Variants in C4orf50 observed in about 807,000 individuals in gnomAD.
C4orf50 encodes chromosome 4 open reading frame 50.
Under a neutral mutation model 77.2 loss-of-function variants are expected in C4orf50, and 80 were observed. That is an observed-to-expected ratio of 1.04 (90% CI 0.87 to 1.25). The LOEUF (loss-of-function observed/expected upper bound fraction) is 1.25, where lower values mean the gene tolerates loss of function less well. Ranked by LOEUF, C4orf50 falls within the 50% of genes most tolerant of loss-of-function variation. The probability of loss-of-function intolerance (pLI) is 0.00; values close to 1 mark genes in which losing one functional copy is unlikely to be tolerated. For missense variants in C4orf50, 1,257 were observed against 1,152.9 expected (o/e 1.09, Z -1.31); for synonymous variants, 532 against 465.3 (o/e 1.14, Z -1.84).
chr4:5,970,986 C>T lies in C4orf50; in HGVS notation c.4104+2673G>A, dbSNP rs1719875627. Reference sequence around the variant, plus strand: ...TGTCCAGTTGGGACCCTAGCCAGCCCACGCCCCCTACCCAAAGGCAGGGGC... The same window carrying T: ...TGTCCAGTTGGGACCCTAGCCAGCCTACGCCCCCTACCCAAAGGCAGGGGC... On this transcript the variant is annotated intron_variant, in intron 31 of 33. Transcript: ENST00000531445. This position sits in a 1 kb window ranked among gnomAD's most constrained non-coding sequence, Gnocchi z 4.3. Among the ~76,000 whole-genome samples the T allele has an allele frequency of 6.6e-6, 1 of 152,174 alleles. No homozygotes were observed. The highest frequency in any genetic ancestry group is 2.4e-5 in the African/African-American group (1 of 41,448).
chr4:5,921,986 C>T (rs532733911), intron 7 of C4orf50, among the ~76,000 whole-genome samples: 1 of 152,256 alleles, frequency 6.6e-6, no homozygotes, highest in Non-Finnish European at 1.5e-5. Context: ...CCCGAAGGAA[C>T]CTAATAACTA....
chr4:5,980,010 T>C (rs957146147), intron 29 of C4orf50, among the ~76,000 whole-genome samples, 164 bp downstream of exon 7: 1 of 152,120 alleles, frequency 6.6e-6, no homozygotes, highest in African/African-American at 2.4e-5. Context: ...CTGTGGTTTT[T>C]TGTTGTTTTT....
chr4:5,941,304 T>C (rs1184600834), intron 7 of C4orf50, among the ~76,000 whole-genome samples: 1 of 152,178 alleles, frequency 6.6e-6, no homozygotes, highest in Non-Finnish European at 1.5e-5. Context: ...CACAAGGAAA[T>C]TGAGACCCCA....
chr4:5,974,079 C>G (rs1720110552), intron 30 of C4orf50, among the ~76,000 whole-genome samples: 1 of 152,168 alleles, frequency 6.6e-6, no homozygotes, highest in Admixed American at 6.5e-5. Context: ...GGGGTCTAGG[C>G]TCAAGGCAGC....
rs1038821082 is a variant in C4orf50 at position 5,908,516 on chromosome 4, A to C, written c.*2475-10328T>G. Among the ~76,000 whole-genome samples the C allele has an allele frequency of 2.0e-5, 3 of 151,988 alleles. No individual in the cohort carries two copies. The highest frequency in any genetic ancestry group is 2.9e-5 in the Non-Finnish European group (2 of 68,008). ...CTTCAGAGTCCAGTGGAGGAAGCAA[A>C]TGTGTGAAGCAGACAATGGCAGAGA... is the stretch of plus-strand genomic sequence containing the variant. On this transcript the variant is annotated intron_variant, in intron 7 of 7. Coordinates refer to the C4orf50 transcript ENST00000324058. The surrounding 1 kb of genome is among the most constrained non-coding windows in gnomAD (Gnocchi z 5.6).
intron 7 of C4orf50, among the ~76,000 whole-genome samples, chr4:5,924,493 G>T (rs957208559): frequency 7.9e-5 from 12 of 152,168 alleles, no homozygotes; most frequent in African/African-American, 2.4e-4. Flanking sequence ...AGCAGGAAAG[G>T]CCAGACGGTT....
chr4:5,911,280 G>A (rs182133435), intron 7 of C4orf50, among the ~76,000 whole-genome samples: 2 of 152,282 alleles, frequency 1.3e-5, no homozygotes, highest in Admixed American at 1.3e-4. Context: ...CCCACATCGA[G>A]TATCTGTGGT....
intron 7 of C4orf50, among the ~76,000 whole-genome samples, chr4:5,938,366 C>T (rs1718122914): frequency 6.6e-6 from 1 of 152,152 alleles, no homozygotes; most frequent in African/African-American, 2.4e-5. Flanking sequence ...ATCATAGAGT[C>T]TTTGTCACCA....
chr4:5,975,160 A>C (rs1354267492), intron 30 of C4orf50, among the ~76,000 whole-genome samples: 5 of 114,078 alleles, frequency 4.4e-5, no homozygotes, highest in Admixed American at 1.6e-4. Flanking sequence ...AAAAAAAAAA[A>C]AAAAAAAAAA....
chr4:5,933,813 G>C (rs1259754841), intron 7 of C4orf50, among the ~76,000 whole-genome samples: 1 of 152,204 alleles, frequency 6.6e-6, no homozygotes, highest in Non-Finnish European at 1.5e-5. Flanking sequence ...AGGCATGGGA[G>C]TGAGCCAGGG....
chr4:5,988,586 C>T (rs1721018798), exon 28 of C4orf50: 2 of 1,536,392 alleles, frequency 1.3e-6, no homozygotes, highest in Middle Eastern at 1.7e-4. Flanking sequence ...CTCATTTCCT[C>T]CTCCAAGGGT....
At position 6,018,095 on chromosome 4, in the gene C4orf50, G is replaced by T; in HGVS notation, c.287+50C>A. ...CACACCATGGTGACACACTCTGATG[G>T]CCCCGCGGTTTGTGAAATACACACA... On this transcript the variant is annotated intron_variant, in intron 23 of 33. Coordinates refer to ENST00000531445, the Ensembl canonical transcript of C4orf50. This position sits in a 1 kb window ranked among gnomAD's most constrained non-coding sequence, Gnocchi z 5.1. 1 of 398,016 alleles carries T rather than the reference G, an allele frequency of 2.5e-6. No individual in the cohort carries two copies. The highest frequency in any genetic ancestry group is 4.4e-6 in the Non-Finnish European group (1 of 226,052). 24.7% of individuals were successfully genotyped at this position (398,016 alleles called of 1,614,324 possible). A position where few individuals can be genotyped will look rare whatever the true frequency, so the allele number is the denominator to read the frequency against.
Position 6,008,480 on chromosome 4 carries a change from TGCAACCGCC to T in C4orf50, c.470_478del (p.Arg157_Leu159del), listed in dbSNP as rs1722347983. 3 of 397,702 alleles carry T rather than the reference TGCAACCGCC, an allele frequency of 7.5e-6. No individual in the cohort carries two copies. The East Asian group carries it at 1.1e-4, about 14-fold the overall frequency. The allele number at this position is 397,702 out of a possible 1,614,324, so 24.6% of individuals were successfully genotyped here. ...CTCGTCCTTGCGCCGCAACCGCTCC[TGCAACCGCC>T]GCAGCCGCCACTGCTGCCGCCTGGC... On this transcript the variant is annotated inframe_deletion, in exon 25 of 34. Coordinates refer to ENST00000531445, the Ensembl canonical transcript of C4orf50. This position sits in a 1 kb window ranked among gnomAD's most constrained non-coding sequence, Gnocchi z 6.0.
At chr4:5,940,552 A>G (rs1718216230) in intron 7 of C4orf50, among the ~76,000 whole-genome samples, 1 of 152,296 alleles carries the variant, frequency 6.6e-6, no homozygotes, top group South Asian at 2.1e-4. Context: ...CCTGGTAAGT[A>G]ATCAGGGCCT....
At chr4:5,959,528 G>T in exon 34 of C4orf50, 4 of 1,614,146 alleles carry the variant, frequency 2.5e-6, no homozygotes, top group Non-Finnish European at 3.4e-6. Flanking sequence ...AGGGCATTCC[G>T]CCTTTTTCTT....
At chr4:5,982,589 C>A (rs1033866893) in intron 28 of C4orf50, among the ~76,000 whole-genome samples, 5 of 152,168 alleles carry the variant, frequency 3.3e-5, no homozygotes, top group African/African-American at 9.7e-5. Flanking sequence ...GGCAACTGTA[C>A]AACAACCACA....
chr4:5,999,717 T>C (rs149308095), intron 25 of C4orf50, among the ~76,000 whole-genome samples: 94 of 152,242 alleles, frequency 6.2e-4, no homozygotes, highest in African/African-American at 2.1e-3. Flanking sequence ...GGAGTGGGCA[T>C]CTGGGCACAG....
chr4:5,948,960 C>CAAAAA (rs765201490), intron 7 of C4orf50, among the ~76,000 whole-genome samples: 21 of 87,038 alleles, frequency 2.4e-4, no homozygotes, highest in African/African-American at 2.7e-4. Flanking sequence ...GACTCCATCT[C>CAAAAA]AAAAAAAAAA....
intron 7 of C4orf50, among the ~76,000 whole-genome samples, chr4:5,930,680 C>T (rs1178516485): frequency 1.3e-5 from 2 of 152,188 alleles, no homozygotes; most frequent in Non-Finnish European, 2.9e-5. Flanking sequence ...TGCTCATCAC[C>T]CTCTGGCTCT....
Sources: gnomAD v4.1 joint callset for allele counts (sites outside exome capture counted in the v4.1 genomes callset) on GRCh38, gnomAD v4.1.1 for gene constraint, Gnocchi (gnomAD v3.1) non-coding constraint, MANE v1.5 for transcripts, NCBI Gene and HGNC (gene_info 2026-07-23, HGNC 2026-07-21) for gene names.